Variants in ARSJ observed in about 807,000 individuals in gnomAD.
ARSJ encodes arylsulfatase J.
Under a neutral mutation model 35.9 loss-of-function variants are expected in ARSJ, and 26 were observed. The observed-to-expected ratio is 0.72, with a 90% CI of 0.53 to 1.00. The LOEUF (loss-of-function observed/expected upper bound fraction) is 1.00, where lower values mean the gene tolerates loss of function less well. ARSJ is among the 50% of genes least tolerant of loss of function. The pLI, the probability that ARSJ is intolerant of heterozygous loss-of-function variation, is 0.00. For synonymous variants in ARSJ, 294 were observed against 267.6 expected, an observed-to-expected ratio of 1.10 and a Z score of -0.96; for missense variants, 667 against 723.6, an observed-to-expected ratio of 0.92 and a Z score of 0.90.
At chr4:113,933,201 G>T (rs536323642) in intron 1 of ARSJ, among the ~76,000 whole-genome samples, 1 of 151,848 alleles carries the variant, frequency 6.6e-6, no homozygotes, top group Admixed American at 6.6e-5. Flanking sequence ...TAACGAGATT[G>T]AAACTGTAAT....
intron 1 of ARSJ, among the ~76,000 whole-genome samples, chr4:113,904,644 C>T (rs1270552204): frequency 6.6e-6 from 1 of 152,154 alleles, no homozygotes; most frequent in African/African-American, 2.4e-5. Flanking sequence ...GCCACCACGC[C>T]CAGATAATTT....
At chr4:113,977,687 G>T (rs1166313899) in intron 1 of ARSJ, among the ~76,000 whole-genome samples, 1 of 152,214 alleles carries the variant, frequency 6.6e-6, no homozygotes, top group Non-Finnish European at 1.5e-5. Flanking sequence ...TTAAGTAGAA[G>T]ATTTAGCTAC....
intron 1 of ARSJ, among the ~76,000 whole-genome samples, chr4:113,935,771 G>A (rs867935649): frequency 1.3e-5 from 2 of 151,928 alleles, no homozygotes; most frequent in African/African-American, 4.8e-5. Context: ...TGCATGTTGT[G>A]TAACCAGAAG....
chr4:113,963,915 G>A lies in ARSJ; in HGVS notation c.398+14522C>T, dbSNP rs1195029752. On this transcript the variant is annotated intron_variant, in intron 1 of 1. Coordinates refer to ENST00000315366, the MANE Select transcript of ARSJ (RefSeq NM_024590.4). ...CACTCAGCTACATCATGGGTTTGAG[G>A]TGAGGATTAAATGACATAATCCAGT... Among the ~76,000 whole-genome samples, 4 of 151,992 alleles carry A rather than the reference G, an allele frequency of 2.6e-5. No individual in the cohort carries two copies. The South Asian group carries it at 8.3e-4, about 32-fold the overall frequency.
chr4:113,957,583 A>AC (rs1726263269), intron 1 of ARSJ, among the ~76,000 whole-genome samples: 2 of 152,074 alleles, frequency 1.3e-5, no homozygotes, highest in African/African-American at 4.8e-5. Flanking sequence ...AAAACCCATC[A>AC]ACTCTGAGCT....
intron 1 of ARSJ, among the ~76,000 whole-genome samples, chr4:113,946,762 G>A (rs1413644879): frequency 6.6e-6 from 1 of 152,026 alleles, no homozygotes; most frequent in South Asian, 2.1e-4. Context: ...GCTGAGTTCA[G>A]TAGCCGTTCC....
intron 1 of ARSJ, among the ~76,000 whole-genome samples, chr4:113,928,994 C>A (rs1724256018): frequency 6.6e-6 from 1 of 152,074 alleles, no homozygotes; most frequent in Non-Finnish European, 1.5e-5. Context: ...TTTAGCTAAC[C>A]AAGCAAATCA....
chr4:113,929,127 C>A (rs1052246203), intron 1 of ARSJ, among the ~76,000 whole-genome samples: 1 of 152,072 alleles, frequency 6.6e-6, no homozygotes, highest in Non-Finnish European at 1.5e-5. Flanking sequence ...TTATCCAATA[C>A]CCTTAATATG....
rs1363175526 is a variant in ARSJ at position 113,901,220 on chromosome 4, CATAA to C, written c.*1050_*1053del. The C allele has an allele frequency of 6.6e-6, 1 of 152,062 alleles. No individual in the cohort carries two copies. The highest frequency in any genetic ancestry group is 1.5e-5 in the Non-Finnish European group (1 of 67,992). 9.4% of individuals were successfully genotyped at this position (152,062 alleles called of 1,614,324 possible). ...GTAAATCATTTTAATAATTAAGATA[CATAA>C]ATAGTTTATGATAGAAACAATAAAG... On this transcript the variant is annotated 3_prime_UTR_variant, in exon 2 of 2. Transcript: ENST00000315366.
intron 1 of ARSJ, among the ~76,000 whole-genome samples, chr4:113,914,986 TA>T (rs1723204186): frequency 6.6e-6 from 1 of 152,270 alleles, no homozygotes; most frequent in East Asian, 1.9e-4. Flanking sequence ...CAGCTAAAAA[TA>T]AAGAGAATTA....
chr4:113,916,625 A>G (rs1196204670), intron 1 of ARSJ, among the ~76,000 whole-genome samples: 2 of 152,134 alleles, frequency 1.3e-5, no homozygotes, highest in Non-Finnish European at 2.9e-5. Flanking sequence ...ACGAAACCAA[A>G]GCAAAACATG....
chr4:113,964,614 A>C (rs998774935), intron 1 of ARSJ, among the ~76,000 whole-genome samples: 3 of 152,138 alleles, frequency 2.0e-5, no homozygotes, highest in Admixed American at 1.3e-4. Context: ...TACTTGAATT[A>C]AATAGTCATA....
At chr4:113,945,913 C>G (rs1322949135) in intron 1 of ARSJ, among the ~76,000 whole-genome samples, 1 of 152,020 alleles carries the variant, frequency 6.6e-6, no homozygotes, top group Non-Finnish European at 1.5e-5. Context: ...TGACAGGATT[C>G]CTGAGGGCTT....
At position 113,921,082 on chromosome 4, in the gene ARSJ, T is replaced by TACACACACAC. The variant is rs746326993; in HGVS notation, c.399-17417_399-17408dup. On this transcript the variant is annotated intron_variant, in intron 1 of 1. Transcript: ENST00000315366. The stretch of plus-strand genomic sequence containing the variant: ...GTATATTGTTTATAATTCCCTGAAA[T>TACACACACAC]ACACACACACACACACACACACACA... Among the ~76,000 whole-genome samples the TACACACACAC allele has an allele frequency of 1.6e-3, 213 of 129,662 alleles. 1 individual carries two copies. The highest frequency in any genetic ancestry group is 5.2e-3 in the African/African-American group (191 of 37,078). The allele number at this position is 129,662 out of a possible 152,430, so 85.1% of individuals were successfully genotyped here.
chr4:113,917,154 T>A (rs9917902), intron 1 of ARSJ, among the ~76,000 whole-genome samples: 2,814 of 152,234 alleles, frequency 0.018, 94 homozygotes, highest in South Asian at 0.061. Context: ...CTGGGAAGCA[T>A]CCAGAAAGTA....
chr4:113,943,349 C>T (rs1359303152), intron 1 of ARSJ: 1 of 152,040 alleles, frequency 6.6e-6, no homozygotes, highest in Non-Finnish European at 1.5e-5. Flanking sequence ...CATGACTGCC[C>T]TGAGTACCAT....
At chr4:113,928,978 T>C (rs1460891500) in intron 1 of ARSJ, among the ~76,000 whole-genome samples, 1 of 152,090 alleles carries the variant, frequency 6.6e-6, no homozygotes, top group Non-Finnish European at 1.5e-5. Flanking sequence ...CATCTTTAAA[T>C]ACATATTTAG....
intron 1 of ARSJ, among the ~76,000 whole-genome samples, chr4:113,973,335 C>T (rs1478683541): frequency 6.6e-6 from 1 of 152,206 alleles, no homozygotes; most frequent in Non-Finnish European, 1.5e-5. Context: ...GTTCTCATTT[C>T]AATGACATCC....
intron 1 of ARSJ, among the ~76,000 whole-genome samples, chr4:113,916,918 T>C (rs1339285726): frequency 6.6e-6 from 1 of 152,110 alleles, no homozygotes; most frequent in Non-Finnish European, 1.5e-5. Context: ...ACAAGGAGGA[T>C]AGGTGCTGAA....
Sources: allele counts gnomAD v4.1 joint callset (sites outside exome capture counted in the v4.1 genomes callset), GRCh38; gene constraint gnomAD v4.1.1; transcripts MANE v1.5; gene names NCBI Gene and HGNC (gene_info 2026-07-23, HGNC 2026-07-21).